The following TENM2 variants were observed in gnomAD, a reference collection of about 807,000 sequenced individuals.
TENM2 encodes teneurin transmembrane protein 2, also known as teneurin-2.
Under a neutral mutation model 245.2 loss-of-function variants are expected in TENM2, and 52 were observed. The observed-to-expected ratio is 0.21, with a 90% CI of 0.17 to 0.27. The LOEUF is 0.27. Among genes scored for constraint, TENM2 ranks in the 10% least tolerant of loss-of-function variants. TENM2 has a pLI of 1.00. For missense variants in TENM2, 3,046 were observed against 3,666.8 expected (o/e 0.83, Z 4.37); for synonymous variants, 1,363 against 1,438.9 (o/e 0.95, Z 1.19).
chr5:167,405,476 C>T (rs1484972036), intron 2 of TENM2, among the ~76,000 whole-genome samples: 3 of 151,874 alleles, frequency 2.0e-5, no homozygotes, highest in Admixed American at 2.0e-4. Context: ...ACATTTTTTT[C>T]ATTTATTGAA....
At chr5:166,986,914 A>T in the TENM2 span, among the ~76,000 whole-genome samples, 18 of 151,818 alleles carry the variant, frequency 1.2e-4, no homozygotes, top group African/African-American at 4.4e-4. Context: ...AGAGAAGAGC[A>T]TTTTTTTTTA....
At chr5:168,149,899 C>T (rs1295274336) in intron 12 of TENM2, among the ~76,000 whole-genome samples, 1 of 152,214 alleles carries the variant, frequency 6.6e-6, no homozygotes, top group Non-Finnish European at 1.5e-5. Flanking sequence ...CCTGCAGTTT[C>T]CTCTGCCTGT....
chr5:167,793,632 C>T (rs781587117), intron 2 of TENM2, among the ~76,000 whole-genome samples: 16 of 151,780 alleles, frequency 1.1e-4, no homozygotes, highest in Admixed American at 3.9e-4. Context: ...CCCAGGAGTT[C>T]GAGACCAGCC....
At chr5:167,242,248 C>G in the TENM2 span, among the ~76,000 whole-genome samples, 1 of 151,924 alleles carries the variant, frequency 6.6e-6, no homozygotes, top group Non-Finnish European at 1.5e-5. Context: ...TGGGGTTTCC[C>G]CATGTTGGCC....
chr5:167,943,432 G>C (rs1375979880), intron 3 of TENM2, among the ~76,000 whole-genome samples: 1 of 152,034 alleles, frequency 6.6e-6, no homozygotes, highest in Non-Finnish European at 1.5e-5. Context: ...TACACCCCCA[G>C]GAAATTCTAG....
chr5:167,288,067 T>C (rs994931172), intron 1 of TENM2, among the ~76,000 whole-genome samples: 2 of 152,092 alleles, frequency 1.3e-5, no homozygotes, highest in Admixed American at 6.5e-5. Context: ...GTCTTTTTTT[T>C]TGGACCCCGG....
At chr5:168,077,135 G>A (rs1791549452) in intron 7 of TENM2, among the ~76,000 whole-genome samples, 1 of 152,166 alleles carries the variant, frequency 6.6e-6, no homozygotes, top group Admixed American at 6.5e-5. Context: ...CTTAGAGCGT[G>A]CCTGGCCTCA....
chr5:168,000,734 T>C (rs1784362866), intron 5 of TENM2, among the ~76,000 whole-genome samples: 1 of 152,204 alleles, frequency 6.6e-6, no homozygotes, highest in African/African-American at 2.4e-5. Flanking sequence ...CACGATAGAT[T>C]GATGTAACAA....
chr5:167,986,920 T>C lies in TENM2; in HGVS notation c.948-6024T>C, dbSNP rs118147386. Among the ~76,000 whole-genome samples the C allele has an allele frequency of 3.3e-5, 5 of 152,328 alleles. No homozygotes were observed. The East Asian group carries it at 9.6e-4, about 29-fold the overall frequency. ...GTGGGTCTTGCTTCATTTTATTTGA[T>C]TTTCCAGCAGCATGTGACTGAAATC... On this transcript the variant is annotated intron_variant, in intron 4 of 28. Coordinates refer to ENST00000518659, the Ensembl canonical transcript of TENM2.
At chr5:168,215,115 C>T (rs901721505) in exon 21 of TENM2, 4 of 1,613,876 alleles carry the variant, frequency 2.5e-6, no homozygotes, top group Non-Finnish European at 3.4e-6. Flanking sequence ...ACACCAACAG[C>T]AGGAGAATCT....
intron 2 of TENM2, among the ~76,000 whole-genome samples, chr5:167,770,918 T>C (rs746783920): frequency 1.2e-4 from 19 of 152,158 alleles, no homozygotes; most frequent in Non-Finnish European, 2.4e-4. Context: ...TAGTACAGCT[T>C]TCTTGGCAGG....
chr5:167,483,279 C>T (rs572689067), intron 2 of TENM2, among the ~76,000 whole-genome samples: 1 of 152,272 alleles, frequency 6.6e-6, no homozygotes, highest in African/African-American at 2.4e-5. Flanking sequence ...GCTTCCTTGC[C>T]CCTGGCAGCC....
At chr5:168,023,845 C>T (rs561004553) in intron 5 of TENM2, among the ~76,000 whole-genome samples, 2 of 152,202 alleles carry the variant, frequency 1.3e-5, no homozygotes, top group Admixed American at 6.5e-5. Context: ...TGTGGAAAGG[C>T]GATTCTGCTA....
chr5:167,375,844 C>G (rs1163089390), intron 2 of TENM2, among the ~76,000 whole-genome samples: 1 of 151,950 alleles, frequency 6.6e-6, no homozygotes, highest in African/African-American at 2.4e-5. Context: ...AAATGGAAAC[C>G]TGGGTTATTT....
intron 3 of TENM2, among the ~76,000 whole-genome samples, chr5:167,940,860 C>T (rs1779120170): frequency 6.6e-6 from 1 of 152,180 alleles, no homozygotes; most frequent in East Asian, 1.9e-4. Flanking sequence ...TCTCTATTTC[C>T]TTCAGGTCTC....
chr5:167,882,041 G>A (rs180746387), intron 3 of TENM2, among the ~76,000 whole-genome samples: 14 of 152,228 alleles, frequency 9.2e-5, no homozygotes, highest in Middle Eastern at 3.4e-3. Flanking sequence ...GAAGGATTTC[G>A]GCTTCAACCT....
At chr5:167,343,759 A>C (rs2127821206) in intron 1 of TENM2, among the ~76,000 whole-genome samples, 1 of 152,290 alleles carries the variant, frequency 6.6e-6, no homozygotes, top group South Asian at 2.1e-4. Context: ...AATTGCTCTA[A>C]GATAATTATA....
intron 27 of TENM2, among the ~76,000 whole-genome samples, chr5:168,258,917 T>C (rs979053958): frequency 3.3e-5 from 5 of 152,158 alleles, no homozygotes; most frequent in Admixed American, 1.3e-4. Flanking sequence ...GCACAGTGGC[T>C]CATACCTGTA....
chr5:167,187,884 C>A, the TENM2 span, among the ~76,000 whole-genome samples: 7 of 152,192 alleles, frequency 4.6e-5, no homozygotes, highest in African/African-American at 1.7e-4. Flanking sequence ...TCTGTCGTGA[C>A]TAAAACACCC....
Sources: allele counts gnomAD v4.1 joint callset (sites outside exome capture counted in the v4.1 genomes callset), GRCh38; gene constraint gnomAD v4.1.1; transcripts MANE v1.5; gene names NCBI Gene and HGNC (gene_info 2026-07-23, HGNC 2026-07-21).